Variants in DCC observed in about 807,000 individuals in gnomAD.
DCC encodes the protein netrin receptor DCC.
In DCC, 58 loss-of-function variants were observed where a neutral mutation model predicts 172.5. The observed-to-expected ratio is 0.34, with a 90% confidence interval of 0.27 to 0.42. DCC has a LOEUF of 0.42. Ranked by LOEUF, DCC falls within the 10% of genes least tolerant of loss-of-function variation. The pLI is 1.00. For missense variants in DCC, 1,740 were observed against 1,791.0 expected (o/e 0.97, Z 0.51); for synonymous variants, 709 against 644.5 (o/e 1.10, Z -1.52).
intron 1 of DCC, among the ~76,000 whole-genome samples, chr18:52,611,147 C>T (rs145981731): frequency 5.9e-5 from 9 of 152,238 alleles, no homozygotes; most frequent in Non-Finnish European, 7.4e-5. Flanking sequence ...CCCCTCCTGA[C>T]AACCACATCT....
At chr18:52,390,937 G>A (rs935188772) in intron 1 of DCC, among the ~76,000 whole-genome samples, 10 of 151,958 alleles carry the variant, frequency 6.6e-5, no homozygotes, top group African/African-American at 1.9e-4. Context: ...GCAGAAGTTT[G>A]TCCCCTCCAT....
At position 52,664,833 on chromosome 18, in the gene DCC, G is replaced by C. The variant is rs553862621; in HGVS notation, c.92-87221G>C. Among the ~76,000 whole-genome samples the C allele has an allele frequency of 3.3e-5, 5 of 152,118 alleles. No homozygotes were observed. The South Asian group carries it at 8.3e-4, about 25-fold the overall frequency. On this transcript the variant is annotated intron_variant, in intron 1 of 28. Coordinates refer to ENST00000442544, the MANE Select transcript of DCC (RefSeq NM_005215.4). ...ATACCATCTTCCTGTTATATGATGC[G>C]GCCATTAATTTAATTGAACCAAGGT...
intron 5 of DCC, among the ~76,000 whole-genome samples, chr18:52,956,751 G>T (rs1280317316): frequency 6.6e-6 from 1 of 152,008 alleles, no homozygotes; most frequent in Non-Finnish European, 1.5e-5. Flanking sequence ...AATTTATTTA[G>T]TTTTTCTTTA....
chr18:52,521,831 T>C (rs986483167), intron 1 of DCC, among the ~76,000 whole-genome samples: 2 of 152,188 alleles, frequency 1.3e-5, no homozygotes, highest in Non-Finnish European at 2.9e-5. Flanking sequence ...GATTAGTAGC[T>C]GAGTTTCTAT....
intron 7 of DCC, among the ~76,000 whole-genome samples, chr18:53,153,234 A>G (rs2054672634): frequency 6.6e-6 from 1 of 152,216 alleles, no homozygotes; most frequent in South Asian, 2.1e-4. Context: ...TACGTTTCTC[A>G]AAAATCTAGT....
intron 7 of DCC, among the ~76,000 whole-genome samples, chr18:53,126,528 A>G (rs1002626157): frequency 2.0e-5 from 3 of 152,156 alleles, no homozygotes; most frequent in Admixed American, 2.0e-4. Context: ...AAAAGCACAG[A>G]AAACAGTTGG....
At chr18:52,917,532 T>C (rs752771186) in intron 3 of DCC, among the ~76,000 whole-genome samples, 46 of 152,322 alleles carry the variant, frequency 3.0e-4, no homozygotes, top group Admixed American at 1.6e-3. Context: ...GATTGTAGAC[T>C]GGTCATCCTC....
chr18:53,475,076 G>T (rs539928820), intron 25 of DCC, among the ~76,000 whole-genome samples: 1 of 152,340 alleles, frequency 6.6e-6, no homozygotes, highest in East Asian at 1.9e-4. Context: ...TTGTGGAACT[G>T]AACTTGAGAG....
chr18:53,494,886 C>T lies in DCC; in HGVS notation c.3899-4412C>T, dbSNP rs938468496. Among the ~76,000 whole-genome samples the T allele has an allele frequency of 1.3e-5, 2 of 152,110 alleles. 1 individual carries two copies. The highest frequency in any genetic ancestry group is 4.8e-5 in the African/African-American group (2 of 41,422). On this transcript the variant is annotated intron_variant, in intron 26 of 28. Coordinates refer to ENST00000442544, the MANE Select transcript of DCC (RefSeq NM_005215.4). ...TTTTGCCTGTTAATTAATGCAGTTT[C>T]TTCATCATGTCAATGGTCTTTACAA...
intron 1 of DCC, among the ~76,000 whole-genome samples, chr18:52,521,259 A>G (rs1270622167): frequency 6.6e-6 from 1 of 152,216 alleles, no homozygotes; most frequent in Non-Finnish European, 1.5e-5. Context: ...TTAAATTTAT[A>G]TGTCAACCTC....
In DCC at chr18:52,489,715, G is replaced by C. The variant is rs183447956; in HGVS notation, c.91+148837G>C. Among the ~76,000 whole-genome samples the C allele has an allele frequency of 2.1e-3, 314 of 152,148 alleles. 1 individual carries two copies. The highest frequency in any genetic ancestry group is 6.7e-3 in the African/African-American group (280 of 41,522). ...ATGGTGCTTCCCTCACTCTCCCCCA[G>C]GTGAAGATCAGATTTGCCTATCACT... On this transcript the variant is annotated intron_variant, in intron 1 of 28. Coordinates refer to ENST00000442544, the MANE Select transcript of DCC (RefSeq NM_005215.4).
At chr18:52,656,125 G>A (rs1568277858) in intron 1 of DCC, among the ~76,000 whole-genome samples, 10 of 148,024 alleles carry the variant, frequency 6.8e-5, no homozygotes, top group Non-Finnish European at 1.5e-5. Flanking sequence ...ACATATATAT[G>A]TATATATATA....
At chr18:52,505,604 A>C (rs2031203946) in intron 1 of DCC, among the ~76,000 whole-genome samples, 1 of 152,202 alleles carries the variant, frequency 6.6e-6, no homozygotes, top group African/African-American at 2.4e-5. Flanking sequence ...AGCAATCAAA[A>C]AATTGTTGAC....
chr18:52,895,595 A>G (rs1373156182), intron 2 of DCC, among the ~76,000 whole-genome samples: 1 of 152,212 alleles, frequency 6.6e-6, no homozygotes, highest in Non-Finnish European at 1.5e-5. Context: ...AAAGTTTATT[A>G]ACATAATTTT....
chr18:52,432,824 C>T (rs76939443), intron 1 of DCC, among the ~76,000 whole-genome samples: 169 of 152,226 alleles, frequency 1.1e-3, no homozygotes, highest in Middle Eastern at 3.4e-3. Flanking sequence ...GCAGGAGTGC[C>T]GCCTGAGCTC....
rs11427253 is a variant in DCC, at chr18:53,197,419, G to GTTTTTTT, written c.1574-7782_1574-7776dup. Among the ~76,000 whole-genome samples the GTTTTTTT allele has an allele frequency of 1.6e-3, 195 of 119,502 alleles. 2 individuals carry two copies. Among genetic ancestry groups the GTTTTTTT allele is most frequent in the Admixed American group, 0.012 (134 of 11,184 alleles). 78.4% of individuals were successfully genotyped at this position (119,502 alleles called of 152,430 possible). A position where few individuals can be genotyped will look rare whatever the true frequency, so the allele number is the denominator to read the frequency against. ...TTTCTTCAAATCCACTTTTATTTTA[G>GTTTTTTT]TTTTTTTTTTTTTTTTTTTTTAACA... is the stretch of plus-strand genomic sequence containing the variant. On this transcript the variant is annotated intron_variant, in intron 9 of 28. Transcript: ENST00000442544.
chr18:52,500,750 T>C (rs1320699099), intron 1 of DCC, among the ~76,000 whole-genome samples: 1 of 152,168 alleles, frequency 6.6e-6, no homozygotes, highest in Non-Finnish European at 1.5e-5. Context: ...GAGTGTGAAA[T>C]GATTTTTGAT....
intron 1 of DCC, among the ~76,000 whole-genome samples, chr18:52,461,025 T>C (rs937783473): frequency 6.6e-5 from 10 of 152,366 alleles, no homozygotes; most frequent in African/African-American, 2.2e-4. Flanking sequence ...TTTATAAACT[T>C]TTAATTTTTT....
chr18:53,224,374 G>A (rs1444399807), intron 12 of DCC, among the ~76,000 whole-genome samples: 5 of 152,154 alleles, frequency 3.3e-5, no homozygotes, highest in Non-Finnish European at 5.9e-5. Flanking sequence ...AATAGAAGAC[G>A]GATTGCTGGG....
Sources: allele counts gnomAD v4.1 joint callset (sites outside exome capture counted in the v4.1 genomes callset), GRCh38; gene constraint gnomAD v4.1.1; transcripts MANE v1.5; gene names NCBI Gene and HGNC (gene_info 2026-07-23, HGNC 2026-07-21).